The following IL5RA variants were observed in gnomAD, a reference collection of about 807,000 sequenced individuals.
The protein encoded by IL5RA is interleukin 5 receptor subunit alpha.
In IL5RA, 49 loss-of-function variants were observed where a neutral mutation model predicts 50.0. The observed-to-expected ratio is 0.98, with a 90% CI of 0.78 to 1.24. The LOEUF is 1.24. Among genes scored for constraint, IL5RA ranks in the 50% most tolerant of loss-of-function variants. The probability of loss-of-function intolerance (pLI) is 0.00; values close to 1 mark genes in which losing one functional copy is unlikely to be tolerated. For missense variants in IL5RA, 600 were observed against 500.4 expected (o/e 1.20, Z -1.90); for synonymous variants, 202 against 174.0 (o/e 1.16, Z -1.26).
intron 10 of IL5RA, among the ~76,000 whole-genome samples, chr3:3,075,203 C>CTTTTT (rs10642608): frequency 2.4e-3 from 171 of 69,872 alleles, no homozygotes; most frequent in East Asian, 4.2e-3. Flanking sequence ...AGTTTACTTA[C>CTTTTT]TTTTTTTTTT....
chr3:3,090,045 A>G, intron 9 of IL5RA: 1 of 604,742 alleles, frequency 1.7e-6, no homozygotes, highest in South Asian at 2.0e-5. Flanking sequence ...CATCCCTGCC[A>G]CTTGTTGGCC....
chr3:3,106,556 TA>T (rs202115853), intron 2 of IL5RA, among the ~76,000 whole-genome samples: 3 of 149,766 alleles, frequency 2.0e-5, no homozygotes, highest in African/African-American at 2.4e-5. Flanking sequence ...ATGTAGAAAT[TA>T]AAAAAAAAAT....
chr3:3,093,469 T>C (rs1703223028), intron 8 of IL5RA, among the ~76,000 whole-genome samples: 1 of 152,258 alleles, frequency 6.6e-6, no homozygotes, highest in South Asian at 2.1e-4. Flanking sequence ...TGGCTATATT[T>C]AATTTTTTCT....
At chr3:3,076,859 G>A (rs781550664) in intron 9 of IL5RA, among the ~76,000 whole-genome samples, 3 of 152,138 alleles carry the variant, frequency 2.0e-5, no homozygotes, top group Admixed American at 2.0e-4. Flanking sequence ...TGGCAGTGAG[G>A]CCACTTTTAT....
chr3:3,100,729 G>A (rs1292912725), intron 5 of IL5RA, among the ~76,000 whole-genome samples: 1 of 152,164 alleles, frequency 6.6e-6, no homozygotes, highest in Non-Finnish European at 1.5e-5. Context: ...AAGGAGGAAT[G>A]GTGGTTTGAC....
At chr3:3,095,689 T>A (rs1703328482) in intron 7 of IL5RA, among the ~76,000 whole-genome samples, 2 of 152,094 alleles carry the variant, frequency 1.3e-5, no homozygotes, top group African/African-American at 4.8e-5. Context: ...CTACTCCAAA[T>A]AGAGTTGAAT....
At chr3:3,089,176 A>T (rs936401092) in intron 9 of IL5RA, among the ~76,000 whole-genome samples, 2 of 152,164 alleles carry the variant, frequency 1.3e-5, no homozygotes, top group African/African-American at 2.4e-5. Flanking sequence ...GTGTCCTTTC[A>T]GTTCCCTCTC....
intron 9 of IL5RA, among the ~76,000 whole-genome samples, chr3:3,087,032 A>G (rs139467858): frequency 1.7e-3 from 260 of 152,302 alleles, no homozygotes; most frequent in Non-Finnish European, 2.8e-3. Context: ...AGAGGCATAC[A>G]GAGTGGTATA....
chr3:3,085,536 G>A (rs539839106), intron 9 of IL5RA, among the ~76,000 whole-genome samples: 2 of 152,282 alleles, frequency 1.3e-5, no homozygotes, highest in Admixed American at 1.3e-4. Flanking sequence ...TTGGAGCTGC[G>A]GGACCTTGGC....
intron 9 of IL5RA, among the ~76,000 whole-genome samples, chr3:3,084,954 G>T (rs1440724988): frequency 2.6e-5 from 4 of 152,260 alleles, no homozygotes. Context: ...GGGTGATGTA[G>T]GCACCAATAG....
chr3:3,082,019 T>C (rs1702682433), intron 9 of IL5RA, among the ~76,000 whole-genome samples: 1 of 152,184 alleles, frequency 6.6e-6, no homozygotes, highest in African/African-American at 2.4e-5. Flanking sequence ...CACATACCTA[T>C]TGCGAAGTAG....
chr3:3,101,307 C>G (rs1703643854), intron 5 of IL5RA, among the ~76,000 whole-genome samples: 1 of 152,122 alleles, frequency 6.6e-6, no homozygotes, highest in South Asian at 2.1e-4. Context: ...TACCCGTGAG[C>G]TCAACTGACC....
intron 11 of IL5RA, among the ~76,000 whole-genome samples, chr3:3,070,670 C>T (rs1702268768): frequency 6.7e-6 from 1 of 148,296 alleles, no homozygotes; most frequent in African/African-American, 2.5e-5. Context: ...GCAACCTCCA[C>T]CTCCCAGGTT....
At chr3:3,075,203 C>CTTTTTTTTTTTTTTTT (rs10642608) in intron 10 of IL5RA, among the ~76,000 whole-genome samples, 2 of 69,940 alleles carry the variant, frequency 2.9e-5, no homozygotes, top group South Asian at 6.0e-4. Flanking sequence ...AGTTTACTTA[C>CTTTTTTTTTTTTTTTT]TTTTTTTTTT....
chr3:3,095,907 ATTTTGT>A (rs1045313394), intron 7 of IL5RA, among the ~76,000 whole-genome samples: 1 of 151,862 alleles, frequency 6.6e-6, no homozygotes, highest in African/African-American at 2.4e-5. Context: ...TTTTAATTTC[ATTTTGT>A]TTACTGCGTC....
At chr3:3,109,273 T>G (rs1283814554) in intron 1 of IL5RA, among the ~76,000 whole-genome samples, 1 of 152,176 alleles carries the variant, frequency 6.6e-6, no homozygotes, top group Admixed American at 6.5e-5. Context: ...ACATTTTATA[T>G]ACAATGAAAC....
In IL5RA at chr3:3,108,633, T is replaced by A. The variant is rs1425274722; in HGVS notation, c.-87A>T. 6.6e-6 allele frequency: 1 copy of A among 152,236 alleles called. No individual in the cohort carries two copies. Among genetic ancestry groups the A allele is most frequent in the African/African-American group, 2.4e-5 (1 of 41,450 alleles). 9.4% of individuals were successfully genotyped at this position (152,236 alleles called of 1,614,324 possible). On this transcript the variant is annotated 5_prime_UTR_variant, in exon 2 of 12. Coordinates refer to ENST00000446632, the MANE Select transcript of IL5RA (RefSeq NM_175726.4). ...TGTCTGTCGTGTCTATGCTCGTGGCTGCAACCCCAGCATCTAGCATAGCGT... is the reference window on the plus strand; with the variant it reads ...TGTCTGTCGTGTCTATGCTCGTGGCAGCAACCCCAGCATCTAGCATAGCGT...
chr3:3,072,039 C>T (rs1425736909), intron 11 of IL5RA, among the ~76,000 whole-genome samples: 1 of 152,246 alleles, frequency 6.6e-6, no homozygotes, highest in East Asian at 1.9e-4. Flanking sequence ...TTTCCTTTCC[C>T]ACTAGCCAAA....
rs989299946 is a variant in IL5RA at position 3,073,840 on chromosome 3, A to G, written c.1176+942T>C. 1.4e-5 allele frequency: 6 copies of G among 435,754 alleles called. No homozygotes were observed. The East Asian group carries it at 4.3e-4, about 31-fold the overall frequency. 27.0% of individuals were successfully genotyped at this position (435,754 alleles called of 1,614,324 possible). A position where few individuals can be genotyped will look rare whatever the true frequency, so the allele number is the denominator to read the frequency against. On this transcript the variant is annotated intron_variant, in intron 11 of 11. Coordinates refer to ENST00000446632, the MANE Select transcript of IL5RA (RefSeq NM_175726.4). ...AATGCAGAGGACCTACAATAACCAAAACAAATTTTTAAAAAATCACTTTTG... is the reference window on the plus strand; with the variant it reads ...AATGCAGAGGACCTACAATAACCAAGACAAATTTTTAAAAAATCACTTTTG...
Sources: allele counts gnomAD v4.1 joint callset (sites outside exome capture counted in the v4.1 genomes callset), GRCh38; gene constraint gnomAD v4.1.1; transcripts MANE v1.5; gene names NCBI Gene and HGNC (gene_info 2026-07-23, HGNC 2026-07-21).